Variants in ATP2A2 observed in about 807,000 individuals in gnomAD.
ATP2A2 encodes ATPase sarcoplasmic/endoplasmic reticulum Ca2+ transporting 2.
Under a neutral mutation model 109.3 loss-of-function variants are expected in ATP2A2, and 14 were observed. That is an observed-to-expected ratio of 0.13 (90% CI 0.08 to 0.20). The LOEUF (loss-of-function observed/expected upper bound fraction) is 0.20, where lower values mean the gene tolerates loss of function less well. Ranked by LOEUF, ATP2A2 falls within the 10% of genes least tolerant of loss-of-function variation. The pLI, the probability that ATP2A2 is intolerant of heterozygous loss-of-function variation, is 1.00. For synonymous variants in ATP2A2, 506 were observed against 490.9 expected, an observed-to-expected ratio of 1.03 and a Z score of -0.41; for missense variants, 657 against 1,321.6, an observed-to-expected ratio of 0.50 and a Z score of 7.80.
At chr12:110,291,470 T>C (rs977579414) in intron 3 of ATP2A2, among the ~76,000 whole-genome samples, 4 of 151,960 alleles carry the variant, frequency 2.6e-5, no homozygotes, top group Admixed American at 6.6e-5. Flanking sequence ...CCTCCCAAAG[T>C]GTTGGGATTA....
chr12:110,350,296 A>G lies in ATP2A2; in HGVS notation c.*3826A>G, dbSNP rs779275772. The G allele has an allele frequency of 8.7e-6, 14 of 1,614,062 alleles. No homozygotes were observed. In the East Asian group the frequency reaches 2.7e-4, roughly 31 times the overall value. On this transcript the variant is annotated 3_prime_UTR_variant, in exon 20 of 20. Coordinates refer to ENST00000539276, the MANE Select transcript of ATP2A2 (RefSeq NM_170665.4). Reference sequence around the variant, plus strand: ...TCCTCTCTCTTTCCTTTTCAGCAATACTGGAGTAACCGCTTCCTAAACCAT... The same window carrying G: ...TCCTCTCTCTTTCCTTTTCAGCAATGCTGGAGTAACCGCTTCCTAAACCAT...
intron 3 of ATP2A2, 68 bp downstream of exon 3, chr12:110,282,863 A>G (rs989778717): frequency 7.7e-7 from 1 of 1,296,356 alleles, no homozygotes; most frequent in Non-Finnish European, 1.1e-6. Flanking sequence ...AAATCAGAAA[A>G]CAAATGATGT....
Position 110,348,105 on chromosome 12 carries a change from G to A in ATP2A2, c.*1635G>A, listed in dbSNP as rs913972334. On this transcript the variant is annotated 3_prime_UTR_variant, in exon 20 of 20. Transcript: ENST00000539276. The stretch of plus-strand genomic sequence containing the variant: ...CAGACCAACAGGCTGAAGGAGCTGT[G>A]CAGACTATTGCTAAAATGAGGGTTC... 1 of 985,620 alleles carries A rather than the reference G, an allele frequency of 1.0e-6. No individual in the cohort carries two copies. The highest frequency in any genetic ancestry group is 1.7e-5 in the African/African-American group (1 of 57,254). The allele number at this position is 985,620 out of a possible 1,614,324, so 61.1% of individuals were successfully genotyped here.
At position 110,282,810 on chromosome 12, in the gene ATP2A2, A is replaced by G. The variant is rs767566666; in HGVS notation, c.219+15A>G. The G allele has an allele frequency of 1.4e-5, 22 of 1,600,156 alleles. No homozygotes were observed. The highest frequency in any genetic ancestry group is 1.7e-5 in the Non-Finnish European group (20 of 1,169,016). ...GTATATCTTTTGTAAGTATAAAAAA[A>G]TTTATTTTCTTTCCCCCCAAAAGCT... On this transcript the variant is annotated intron_variant, in intron 3 of 19. Coordinates refer to ENST00000539276, the MANE Select transcript of ATP2A2 (RefSeq NM_170665.4).
At chr12:110,309,703 T>G (rs994121316) in intron 5 of ATP2A2, among the ~76,000 whole-genome samples, 2 of 151,954 alleles carry the variant, frequency 1.3e-5, no homozygotes, top group Non-Finnish European at 2.9e-5. Context: ...TCCAGGAGTT[T>G]GAGACCAGCC....
chr12:110,292,108 T>C lies in ATP2A2; in HGVS notation c.308T>C (p.Ile103Thr), dbSNP rs1873380598. 2.5e-6 allele frequency: 4 copies of C among 1,614,070 alleles called. No homozygotes were observed. Among genetic ancestry groups the C allele is most frequent in the Admixed American group, 1.7e-5 (1 of 60,022 alleles). ...VILLILVANAIVGVWQERNAE... is the reference protein window; with the variant it reads ...VILLILVANATVGVWQERNAE... Reference sequence around the variant, plus strand: ...TTACTCATATTAGTAGCCAATGCAATTGTGGGTGTATGGCAGGTAAGCAAA... The same window carrying C: ...TTACTCATATTAGTAGCCAATGCAACTGTGGGTGTATGGCAGGTAAGCAAA... The change falls in exon 4 of 20, where the codon ATT becomes ACT. Residue 103 changes from isoleucine (I) to threonine (T), a missense_variant. Ile to Thr is a moderately conservative substitution (Grantham distance 89). Around this residue, in one of 9 missense-constraint regions of ATP2A2, gnomAD observed 136 missense variants for 343.9 expected, o/e 0.40. Transcript: ENST00000539276.
chr12:110,349,305 A>C lies in ATP2A2; in HGVS notation c.*2835A>C. On this transcript the variant is annotated 3_prime_UTR_variant, in exon 20 of 20. Coordinates refer to ENST00000539276, the MANE Select transcript of ATP2A2 (RefSeq NM_170665.4). ...TGAGGCAGCAGCTGCCCAGCCCCGC[A>C]ATGTGCCTGCTGTCAGGCAGCTCTT... 1.0e-6 allele frequency: 1 copy of C among 985,484 alleles called. No homozygotes were observed. 61.0% of individuals were successfully genotyped at this position (985,484 alleles called of 1,614,324 possible).
chr12:110,316,489 T>G (rs1316641438), intron 5 of ATP2A2, among the ~76,000 whole-genome samples: 4 of 152,240 alleles, frequency 2.6e-5, no homozygotes, highest in Non-Finnish European at 5.9e-5. Context: ...TTCTTCAACT[T>G]GGTAATTAGA....
Position 110,349,857 on chromosome 12 carries a change from G to A in ATP2A2, c.*3387G>A, listed in dbSNP as rs186480592. On this transcript the variant is annotated 3_prime_UTR_variant, in exon 20 of 20. Transcript: ENST00000539276. ...CGGAGGAGTTTCCTCTCCAGGGCTAGGCAAGGCAGGCGAGCAGCCAGAAGC... is the reference window on the plus strand; with the variant it reads ...CGGAGGAGTTTCCTCTCCAGGGCTAAGCAAGGCAGGCGAGCAGCCAGAAGC... 1 of 1,054,334 alleles carries A rather than the reference G, an allele frequency of 9.5e-7. No individual in the cohort carries two copies. Among genetic ancestry groups the A allele is most frequent in the East Asian group, 7.6e-5 (1 of 13,236 alleles). 65.3% of individuals were successfully genotyped at this position (1,054,334 alleles called of 1,614,324 possible).
At chr12:110,282,825 C>T in intron 3 of ATP2A2, 30 bp downstream of exon 3, 2 of 1,556,178 alleles carry the variant, frequency 1.3e-6, no homozygotes, top group Middle Eastern at 2.1e-4. Flanking sequence ...TTTTCTTTCC[C>T]CCCAAAAGCT....
chr12:110,303,911 G>A (rs1381332382), intron 5 of ATP2A2, among the ~76,000 whole-genome samples: 3 of 152,200 alleles, frequency 2.0e-5, no homozygotes, highest in Non-Finnish European at 4.4e-5. Flanking sequence ...AGGTCTGTGT[G>A]ATCCTCATTA....
At chr12:110,341,120 C>G in intron 14 of ATP2A2, 126 bp downstream of exon 14, 1 of 1,058,362 alleles carries the variant, frequency 9.4e-7, no homozygotes, top group South Asian at 1.4e-5. Context: ...TGGGTCTTTT[C>G]TCTAGAATTC....
Position 110,349,772 on chromosome 12 carries a change from A to G in ATP2A2, c.*3302A>G. ...TGACTGTAACCACCAAATTGTCCAA[A>G]CACCCGCTGCAGTTAGCAAGAAGGG... is the stretch of plus-strand genomic sequence containing the variant. On this transcript the variant is annotated 3_prime_UTR_variant, in exon 20 of 20. Transcript: ENST00000539276. 9.8e-7 allele frequency: 1 copy of G among 1,017,778 alleles called. No homozygotes were observed. Among genetic ancestry groups the G allele is most frequent in the Non-Finnish European group, 1.2e-6 (1 of 848,338 alleles). 63.0% of individuals were successfully genotyped at this position (1,017,778 alleles called of 1,614,324 possible).
At chr12:110,282,449 T>C (rs1872230748) in intron 1 of ATP2A2, among the ~76,000 whole-genome samples, 155 bp from the exon 2 acceptor site, 2 of 152,158 alleles carry the variant, frequency 1.3e-5, no homozygotes, top group African/African-American at 2.4e-5. Flanking sequence ...GCTAAAAAAA[T>C]CGGATATTCT....
In ATP2A2 at chr12:110,347,313, A is replaced by G. The variant is rs970410055; in HGVS notation, c.*843A>G. ...TAAAAAAATAAAACATTTTAAATGG[A>G]CAGAGAAAAATAACTGTCTTGTCTT... On this transcript the variant is annotated 3_prime_UTR_variant, in exon 20 of 20. Transcript: ENST00000539276. 6 of 1,273,200 alleles carry G rather than the reference A, an allele frequency of 4.7e-6. No homozygotes were observed. The African/African-American group carries it at 9.2e-5, about 19-fold the overall frequency. 78.9% of individuals were successfully genotyped at this position (1,273,200 alleles called of 1,614,324 possible).
Position 110,348,478 on chromosome 12 carries a change from G to T in ATP2A2, c.*2008G>T. 9.1e-6 allele frequency: 9 copies of T among 985,480 alleles called. No homozygotes were observed. The highest frequency in any genetic ancestry group is 1.1e-5 in the Non-Finnish European group (9 of 829,990). 61.0% of individuals were successfully genotyped at this position (985,480 alleles called of 1,614,324 possible). On this transcript the variant is annotated 3_prime_UTR_variant, in exon 20 of 20. Transcript: ENST00000539276. ...GTAATGCAGATGGTTGGAGTTTGGG[G>T]AGGGTTAGGAGGCATCAAGCAGGAC...
At chr12:110,300,184 CTTT>C (rs1193882539) in intron 5 of ATP2A2, among the ~76,000 whole-genome samples, 2 of 74,274 alleles carry the variant, frequency 2.7e-5, no homozygotes, top group African/African-American at 6.2e-5. Context: ...CTCGCTCTCT[CTTT>C]TTTTTTTTTT....
intron 4 of ATP2A2, among the ~76,000 whole-genome samples, chr12:110,293,692 G>A (rs1223889976): frequency 1.3e-5 from 2 of 151,506 alleles, no homozygotes; most frequent in African/African-American, 2.4e-5. Flanking sequence ...CACCACGCCC[G>A]ACACATCTTA....
intron 5 of ATP2A2, among the ~76,000 whole-genome samples, chr12:110,297,590 G>A (rs751251320): frequency 2.4e-4 from 37 of 151,944 alleles, no homozygotes; most frequent in Non-Finnish European, 1.5e-5. Flanking sequence ...TATCCTCACT[G>A]CTGTAGATTA....
Sources: allele counts gnomAD v4.1 joint callset (sites outside exome capture counted in the v4.1 genomes callset), GRCh38; gene constraint gnomAD v4.1.1; regional missense constraint gnomAD v4.1.1; transcripts MANE v1.5; gene names NCBI Gene and HGNC (gene_info 2026-07-23, HGNC 2026-07-21).